PREP: variants seen among roughly 807,000 people sequenced by gnomAD.
The protein encoded by PREP is dJ355L5.1 (prolyl endopeptidase).
PREP carries 29 observed loss-of-function variants against 87.6 expected under a neutral mutation model. The ratio of observed to expected loss-of-function variants is 0.33; its 90% CI spans 0.25 to 0.45. PREP has a LOEUF of 0.45. PREP is among the 20% of genes least tolerant of loss of function. The probability of loss-of-function intolerance (pLI) is 1.00; values close to 1 mark genes in which losing one functional copy is unlikely to be tolerated. For synonymous variants in PREP, 337 were observed against 328.6 expected (o/e 1.03, Z -0.28); for missense variants, 695 against 886.5 (o/e 0.78, Z 2.74).
intron 10 of PREP, among the ~76,000 whole-genome samples, chr6:105,306,329 C>A (rs1346136998): frequency 6.6e-6 from 1 of 152,116 alleles, no homozygotes; most frequent in Non-Finnish European, 1.5e-5. Context: ...CAAAGGCTGG[C>A]AACAAAGTCT....
At position 105,350,198 on chromosome 6, in the gene PREP, C is replaced by T. The variant is rs188410101; in HGVS notation, c.823+2774G>A. The stretch of plus-strand genomic sequence containing the variant: ...AAGTACGGTGATTCTAAATATTCCT[C>T]TTTCAGTCAAGAAACAAAGAAAAAA... On this transcript the variant is annotated intron_variant, in intron 7 of 14. Transcript: ENST00000652536. Among the ~76,000 whole-genome samples the T allele has an allele frequency of 5.9e-5, 9 of 152,158 alleles. No individual in the cohort carries two copies. In the East Asian group the frequency reaches 1.5e-3, roughly 26 times the overall value.
At chr6:105,349,311 A>G (rs918069208) in intron 7 of PREP, among the ~76,000 whole-genome samples, 1 of 152,250 alleles carries the variant, frequency 6.6e-6, no homozygotes, top group Non-Finnish European at 1.5e-5. Flanking sequence ...GCACTCCCAT[A>G]AGGCAGCAAA....
chr6:105,381,307 T>TA lies in PREP; in HGVS notation c.121-3789dup, dbSNP rs1208054615. 2.0e-5 allele frequency among the ~76,000 whole-genome samples: 3 copies of TA among 152,358 alleles called. No individual in the cohort carries two copies. The East Asian group carries it at 5.8e-4, about 29-fold the overall frequency. On this transcript the variant is annotated intron_variant, in intron 2 of 14. Coordinates refer to ENST00000652536, the MANE Select transcript of PREP (RefSeq NM_002726.5). The stretch of plus-strand genomic sequence containing the variant: ...GAAAATTTCTGTAAAGAAGCTTTGT[T>TA]AAATTTAGGGTTACATAAATGCCAA...
At chr6:105,361,150 T>A (rs141895016) in intron 6 of PREP, among the ~76,000 whole-genome samples, 1 of 152,330 alleles carries the variant, frequency 6.6e-6, no homozygotes, top group Non-Finnish European at 1.5e-5. Context: ...ACCTGAGCTT[T>A]CCAAATGACC....
At chr6:105,289,672 T>C (rs182694522) in intron 10 of PREP, among the ~76,000 whole-genome samples, 3 of 152,256 alleles carry the variant, frequency 2.0e-5, no homozygotes, top group East Asian at 1.9e-4. Context: ...TGATAAGCCA[T>C]AGAATAAATA....
intron 14 of PREP, among the ~76,000 whole-genome samples, chr6:105,280,339 C>T (rs1011671004): frequency 6.6e-6 from 1 of 152,096 alleles, no homozygotes; most frequent in Non-Finnish European, 1.5e-5. Flanking sequence ...TTATTTTCAT[C>T]AAAATTTGTA....
intron 6 of PREP, among the ~76,000 whole-genome samples, chr6:105,360,011 A>G (rs1272702242): frequency 6.6e-6 from 1 of 152,214 alleles, no homozygotes; most frequent in African/African-American, 2.4e-5. Context: ...CATGTAAGGC[A>G]TCGCTAATAT....
At chr6:105,382,380 A>T (rs1244516629) in intron 2 of PREP, among the ~76,000 whole-genome samples, 1 of 152,156 alleles carries the variant, frequency 6.6e-6, no homozygotes, top group Non-Finnish European at 1.5e-5. Flanking sequence ...TTCTACATAT[A>T]TCAAAATGAC....
At position 105,376,266 on chromosome 6, in the gene PREP, GA is replaced by G; in HGVS notation, c.255-12del. On this transcript the variant is annotated splice_polypyrimidine_tract_variant and intron_variant, in intron 3 of 14. Transcript: ENST00000652536. ...TAAAAATAAAAATACCTGGGGAACA[GA>G]GATGGTCTTTATTCAGCTGTGGAGT... 1 of 1,611,644 alleles carries G rather than the reference GA, an allele frequency of 6.2e-7. No individual in the cohort carries two copies. The highest frequency in any genetic ancestry group is 2.2e-5 in the East Asian group (1 of 44,848).
intron 2 of PREP, among the ~76,000 whole-genome samples, chr6:105,388,673 A>G (rs555134106): frequency 1.3e-5 from 2 of 152,370 alleles, no homozygotes; most frequent in African/African-American, 4.8e-5. Flanking sequence ...TTCCCACAGA[A>G]GGTAGTAACA....
At chr6:105,290,055 A>G (rs1770269275) in intron 10 of PREP, among the ~76,000 whole-genome samples, 1 of 152,236 alleles carries the variant, frequency 6.6e-6, no homozygotes, top group Non-Finnish European at 1.5e-5. Flanking sequence ...GCCAAGAAAC[A>G]GTAACATAAA....
chr6:105,322,812 G>A (rs1323425192), intron 10 of PREP: 2 of 1,109,094 alleles, frequency 1.8e-6, no homozygotes, highest in East Asian at 1.3e-4. Flanking sequence ...TCTAGATGTA[G>A]CCTATCATCT....
At chr6:105,392,127 C>T (rs531304054) in intron 2 of PREP, among the ~76,000 whole-genome samples, 12 of 150,380 alleles carry the variant, frequency 8.0e-5, no homozygotes, top group African/African-American at 2.9e-4. Context: ...TCACTGCAAG[C>T]TCTGCCTCCT....
intron 10 of PREP, among the ~76,000 whole-genome samples, chr6:105,295,369 A>G (rs2114621441): frequency 6.6e-6 from 1 of 151,948 alleles, no homozygotes; most frequent in East Asian, 1.9e-4. Flanking sequence ...CAATTATTAC[A>G]GCTTTTGTTT....
intron 1 of PREP, among the ~76,000 whole-genome samples, chr6:105,398,174 C>T (rs55825074): frequency 7.0e-4 from 106 of 152,280 alleles, no homozygotes; most frequent in Admixed American, 1.1e-3. Flanking sequence ...AACAGGAAAC[C>T]GCTCTGTCCC....
At chr6:105,342,727 T>C (rs1404258656) in intron 7 of PREP, among the ~76,000 whole-genome samples, 1 of 152,204 alleles carries the variant, frequency 6.6e-6, no homozygotes, top group Non-Finnish European at 1.5e-5. Flanking sequence ...CAAGCATTCC[T>C]ATACACCAAT....
intron 1 of PREP, among the ~76,000 whole-genome samples, chr6:105,401,959 A>G (rs1275183887): frequency 6.6e-6 from 1 of 152,256 alleles, no homozygotes; most frequent in Non-Finnish European, 1.5e-5. Context: ...TTAGTAAGAG[A>G]ATCACGGCCA....
At chr6:105,288,976 T>A in intron 10 of PREP, 82 bp from the exon 11 acceptor site, 2 of 1,387,326 alleles carry the variant, frequency 1.4e-6, no homozygotes, top group Non-Finnish European at 2.0e-6. Context: ...AATAGTAAAT[T>A]CTCTCTTCAT....
At chr6:105,390,618 C>A (rs190191909) in intron 2 of PREP, among the ~76,000 whole-genome samples, 26 of 152,320 alleles carry the variant, frequency 1.7e-4, no homozygotes, top group African/African-American at 6.3e-4. Flanking sequence ...TCTTCTTCAG[C>A]AACTCAGTAA....
Sources: gnomAD v4.1 joint callset for allele counts (sites outside exome capture counted in the v4.1 genomes callset) on GRCh38, gnomAD v4.1.1 for gene constraint, MANE v1.5 for transcripts, NCBI Gene and HGNC (gene_info 2026-07-23, HGNC 2026-07-21) for gene names.